The following CACUL1 variants were observed in gnomAD, a reference collection of about 807,000 sequenced individuals.
CACUL1 encodes CDK2 associated cullin domain 1, also known as CDK2-associated and cullin domain-containing protein 1.
Under a neutral mutation model 45.2 loss-of-function variants are expected in CACUL1, and 13 were observed. The ratio of observed to expected loss-of-function variants is 0.29; its 90% CI spans 0.19 to 0.46. The LOEUF (loss-of-function observed/expected upper bound fraction) is 0.46, where lower values mean the gene tolerates loss of function less well. CACUL1 is among the 20% of genes least tolerant of loss of function. CACUL1 has a pLI of 1.00. For missense variants in CACUL1, 421 were observed against 471.4 expected, an observed-to-expected ratio of 0.89 and a Z score of 0.99; for synonymous variants, 197 against 174.2, an observed-to-expected ratio of 1.13 and a Z score of -1.03.
At chr10:118,688,075 C>T (rs1173631851) in intron 7 of CACUL1, among the ~76,000 whole-genome samples, 1 of 152,232 alleles carries the variant, frequency 6.6e-6, no homozygotes, top group Non-Finnish European at 1.5e-5. Context: ...TTTACTTTCT[C>T]TGGTTATGTT....
intron 3 of CACUL1, among the ~76,000 whole-genome samples, chr10:118,724,260 A>G (rs545291571): frequency 1.4e-4 from 22 of 152,328 alleles, no homozygotes; most frequent in Admixed American, 1.4e-3. Context: ...CTCCTTTTCC[A>G]GAATAAATAG....
At chr10:118,712,713 G>A (rs1174654808) in intron 3 of CACUL1, among the ~76,000 whole-genome samples, 1 of 152,202 alleles carries the variant, frequency 6.6e-6, no homozygotes, top group Admixed American at 6.5e-5. Context: ...CCCACTGTGT[G>A]CACAGCTCTC....
rs1288499474 is a variant in CACUL1 at position 118,680,391 on chromosome 10, G to A, written c.*5737C>T. The A allele has an allele frequency of 2.6e-5, 4 of 152,272 alleles. No individual in the cohort carries two copies. Among genetic ancestry groups the A allele is most frequent in the African/African-American group, 9.6e-5 (4 of 41,550 alleles). 9.4% of individuals were successfully genotyped at this position (152,272 alleles called of 1,614,324 possible). On this transcript the variant is annotated 3_prime_UTR_variant, in exon 9 of 9. Transcript: ENST00000369151. ...AGAGTCACTGAATTCTGCCACATGT[G>A]ATAACCAAAAAGTAGATAACATCAC...
rs1564841857 is a variant in CACUL1 at position 118,754,531 on chromosome 10, G to A, written c.232C>T (p.Pro78Ser). The change falls in exon 1 of 9, where the codon CCG (proline) becomes TCG (serine). Residue 78 changes from proline to serine, a missense_variant. Pro to Ser is a moderately conservative substitution (Grantham distance 74). This residue lies in a region of CACUL1 where 213 missense variants were observed against 173.1 expected (regional missense o/e 1.23). Transcript: ENST00000369151. ...CCATTAGCCTCCGGCGGTGGCTGCG[G>A]CCCCATCGGGAGCCCCTCCTTGGGG... ...KGPKEGLPMG[P>S]QPPPEANGVI... 3 of 1,612,740 alleles carry A rather than the reference G, an allele frequency of 1.9e-6. No homozygotes were observed. Among genetic ancestry groups the A allele is most frequent in the African/African-American group, 2.7e-5 (2 of 74,824 alleles).
chr10:118,707,457 A>G, intron 4 of CACUL1, 35 bp downstream of exon 4: 1 of 953,372 alleles, frequency 1.0e-6, no homozygotes, highest in South Asian at 1.3e-5. Context: ...CAATACACCT[A>G]GGTATTTGGG....
chr10:118,735,907 G>C (rs1845735849), intron 1 of CACUL1, among the ~76,000 whole-genome samples: 1 of 151,886 alleles, frequency 6.6e-6, no homozygotes, highest in Non-Finnish European at 1.5e-5. Flanking sequence ...AATCAGAACA[G>C]ACAAGGAGAA....
intron 1 of CACUL1, among the ~76,000 whole-genome samples, chr10:118,749,980 A>C (rs373148656): frequency 1.4e-4 from 22 of 152,350 alleles, no homozygotes; most frequent in African/African-American, 4.6e-4. Flanking sequence ...GCAACAAACA[A>C]CACATCTCTG....
intron 4 of CACUL1, among the ~76,000 whole-genome samples, chr10:118,706,702 A>G (rs1845435417): frequency 6.6e-6 from 1 of 152,252 alleles, no homozygotes; most frequent in Non-Finnish European, 1.5e-5. Context: ...AACTCGTACT[A>G]TTAAAATTGT....
chr10:118,749,566 T>C (rs1845876075), intron 1 of CACUL1, among the ~76,000 whole-genome samples: 1 of 152,208 alleles, frequency 6.6e-6, no homozygotes, highest in Admixed American at 6.5e-5. Context: ...AATGCTGGAA[T>C]AAAGAAGAGG....
chr10:118,719,571 G>A (rs1412241433), intron 3 of CACUL1, among the ~76,000 whole-genome samples: 3 of 152,150 alleles, frequency 2.0e-5, no homozygotes, highest in African/African-American at 7.2e-5. Context: ...CAGCACTTTG[G>A]GAAGCCAAGG....
At position 118,754,775 on chromosome 10, in the gene CACUL1, C is replaced by T. The variant is rs766087849; in HGVS notation, c.-13G>A. On this transcript the variant is annotated 5_prime_UTR_variant, in exon 1 of 9. Coordinates refer to ENST00000369151, the MANE Select transcript of CACUL1 (RefSeq NM_153810.5). Reference sequence around the variant, plus strand: ...TGCTTTCCTCCATCCTGCTGGCCCCCGGCACCCGCCCGCCTCACAGGCACC... The same window carrying T: ...TGCTTTCCTCCATCCTGCTGGCCCCTGGCACCCGCCCGCCTCACAGGCACC... 9.1e-6 allele frequency: 14 copies of T among 1,539,528 alleles called. No individual in the cohort carries two copies. Among genetic ancestry groups the T allele is most frequent in the Admixed American group, 6.3e-5 (3 of 47,412 alleles).
At chr10:118,706,826 C>A (rs1845436709) in intron 4 of CACUL1, among the ~76,000 whole-genome samples, 1 of 152,136 alleles carries the variant, frequency 6.6e-6, no homozygotes, top group Non-Finnish European at 1.5e-5. Context: ...TTGTTAAGTG[C>A]ATTTTATGGA....
rs146589244 is a variant in CACUL1, at chr10:118,734,525, T to C, written c.368-4115A>G. 7.9e-3 allele frequency among the ~76,000 whole-genome samples: 1,208 copies of C among 152,310 alleles called. 10 individuals carry two copies. Among genetic ancestry groups the C allele is most frequent in the Middle Eastern group, 0.02 (6 of 294 alleles). Reference sequence around the variant, plus strand: ...GGTTAGATTTTCAGCTTGAAAATAATGAACTACTTTTTATGCTATTTAAAG... The same window carrying C: ...GGTTAGATTTTCAGCTTGAAAATAACGAACTACTTTTTATGCTATTTAAAG... On this transcript the variant is annotated intron_variant, in intron 1 of 8. Transcript: ENST00000369151.
intron 3 of CACUL1, 114 bp from the exon 4 acceptor site, chr10:118,707,701 CAAAAA>C: frequency 1.2e-5 from 4 of 328,276 alleles, no homozygotes; most frequent in South Asian, 9.1e-5. Flanking sequence ...TCACAATTAA[CAAAAA>C]AAAAAAAAAA....
At chr10:118,728,570 G>A (rs1238611811) in intron 3 of CACUL1, among the ~76,000 whole-genome samples, 1 of 152,162 alleles carries the variant, frequency 6.6e-6, no homozygotes, top group Non-Finnish European at 1.5e-5. Flanking sequence ...ATTGCTGAGT[G>A]ATTTTTCTAG....
intron 5 of CACUL1, among the ~76,000 whole-genome samples, chr10:118,695,494 C>G (rs1845313692): frequency 6.6e-6 from 1 of 152,086 alleles, no homozygotes; most frequent in Non-Finnish European, 1.5e-5. Flanking sequence ...TCTAAAAGCA[C>G]TAGTATAATG....
intron 3 of CACUL1, among the ~76,000 whole-genome samples, chr10:118,718,116 C>T (rs2119614628): frequency 6.6e-6 from 1 of 152,252 alleles, no homozygotes; most frequent in Middle Eastern, 3.4e-3. Flanking sequence ...AACTGTCTAC[C>T]ACTGGAAGAC....
intron 4 of CACUL1, among the ~76,000 whole-genome samples, chr10:118,706,453 T>C (rs1233515922): frequency 2.0e-5 from 3 of 152,212 alleles, no homozygotes; most frequent in African/African-American, 7.2e-5. Context: ...CAATAGCCCA[T>C]GATAGGATTT....
At chr10:118,698,329 AG>A (rs1395407369) in intron 5 of CACUL1, among the ~76,000 whole-genome samples, 10 of 151,942 alleles carry the variant, frequency 6.6e-5, no homozygotes, top group Admixed American at 6.6e-4. Context: ...TTTTTAGTAG[AG>A]ACAGGGTTTC....
Sources: allele counts gnomAD v4.1 joint callset (sites outside exome capture counted in the v4.1 genomes callset), GRCh38; gene constraint gnomAD v4.1.1; regional missense constraint gnomAD v4.1.1; transcripts MANE v1.5; gene names NCBI Gene and HGNC (gene_info 2026-07-23, HGNC 2026-07-21).